The following ARHGEF12 variants were observed in gnomAD, a reference collection of about 807,000 sequenced individuals.
ARHGEF12 encodes KMT2A/ARHGEF12 fusion protein.
In ARHGEF12, 66 loss-of-function variants were observed where a neutral mutation model predicts 211.2. The ratio of observed to expected loss-of-function variants is 0.31; its 90% CI spans 0.26 to 0.38. The LOEUF is 0.38. ARHGEF12 is among the 10% of genes least tolerant of loss of function. The pLI is 1.00. For missense variants in ARHGEF12, 1,429 were observed against 1,869.5 expected (o/e 0.76, Z 4.34); for synonymous variants, 592 against 638.4 (o/e 0.93, Z 1.09).
intron 20 of ARHGEF12, 104 bp from the exon 21 acceptor site, chr11:120,449,005 A>G (rs1271237429): frequency 1.0e-6 from 1 of 961,032 alleles, no homozygotes; most frequent in African/African-American, 1.6e-5. Context: ...GTTTTCATTT[A>G]CACTTAACAA....
At chr11:120,397,083 A>T (rs1944413250) in intron 1 of ARHGEF12, among the ~76,000 whole-genome samples, 1 of 152,248 alleles carries the variant, frequency 6.6e-6, no homozygotes, top group Admixed American at 6.5e-5. Context: ...TTGGGCATTT[A>T]TTCAGTTTGT....
At chr11:120,389,835 A>G (rs1434734883) in intron 1 of ARHGEF12, among the ~76,000 whole-genome samples, 2 of 152,036 alleles carry the variant, frequency 1.3e-5, no homozygotes, top group Admixed American at 6.6e-5. Context: ...ATTTCCATCC[A>G]TCTTGTTGCA....
chr11:120,398,755 C>T (rs940239038), intron 1 of ARHGEF12, among the ~76,000 whole-genome samples: 5 of 151,980 alleles, frequency 3.3e-5, no homozygotes, highest in South Asian at 4.2e-4. Context: ...AAAGAATTTC[C>T]GCAGAAGAAA....
At chr11:120,457,329 C>A in intron 23 of ARHGEF12, 79 bp downstream of exon 23, 1 of 1,501,112 alleles carries the variant, frequency 6.7e-7, no homozygotes, top group Admixed American at 1.9e-5. Context: ...TACTTAGTAG[C>A]ATTCTAGCAC....
Position 120,486,081 on chromosome 11 carries a change from G to A in ARHGEF12, c.*1004G>A, listed in dbSNP as rs984134451. On this transcript the variant is annotated 3_prime_UTR_variant, in exon 41 of 41. Coordinates refer to ENST00000397843, the MANE Select transcript of ARHGEF12 (RefSeq NM_015313.3). ...TAGTGGCAGGGGTGGGGGTTGCTAAGGAAAGGGTGGGATGGGAGTGGGTAA... is the reference window on the plus strand; with the variant it reads ...TAGTGGCAGGGGTGGGGGTTGCTAAAGAAAGGGTGGGATGGGAGTGGGTAA... 2.6e-5 allele frequency: 6 copies of A among 233,486 alleles called. No homozygotes were observed. The highest frequency in any genetic ancestry group is 2.6e-3 in the Middle Eastern group (2 of 784). The allele number at this position is 233,486 out of a possible 1,614,324, so 14.5% of individuals were successfully genotyped here.
intron 1 of ARHGEF12, chr11:120,337,789 A>G (rs1942400248): frequency 1.0e-6 from 1 of 985,298 alleles, no homozygotes; most frequent in Non-Finnish European, 1.2e-6. Flanking sequence ...ATTATTATCT[A>G]ATAACTTTCC....
At chr11:120,451,082 T>TA (rs1681533061) in intron 21 of ARHGEF12, 2 of 158,702 alleles carry the variant, frequency 1.3e-5, no homozygotes, top group Non-Finnish European at 2.8e-5. Context: ...ACTATATATA[T>TA]TTTTTAGGGT....
intron 22 of ARHGEF12, among the ~76,000 whole-genome samples, chr11:120,452,391 A>G (rs577229501): frequency 2.0e-5 from 3 of 152,294 alleles, no homozygotes; most frequent in African/African-American, 7.2e-5. Flanking sequence ...GCTTATTACC[A>G]TGTCTTCATC....
intron 32 of ARHGEF12, 132 bp downstream of exon 32, chr11:120,474,767 A>G (rs1022418682): frequency 4.9e-6 from 3 of 615,110 alleles, no homozygotes; most frequent in East Asian, 2.8e-5. Flanking sequence ...TGTTATTTGT[A>G]CATTTGTAGA....
In ARHGEF12 at chr11:120,451,618, G is replaced by A. The variant is rs762012126; in HGVS notation, c.1950G>A (p.Gly650=). ...PQDSAKLRQS[G]LANEGTDAGY... ...ACTCTGCCAAGTTGCGCCAGAGTGG[G>A]TTAGCAAATGAAGGAACAGACGCTG... Residue 650 remains glycine, a synonymous_variant, in exon 22 of 41, where the codon GGG becomes GGA. Coordinates refer to ENST00000397843, the MANE Select transcript of ARHGEF12 (RefSeq NM_015313.3). 1.2e-6 allele frequency: 2 copies of A among 1,614,142 alleles called. No homozygotes were observed. Among genetic ancestry groups the A allele is most frequent in the Non-Finnish European group, 1.7e-6 (2 of 1,180,016 alleles).
chr11:120,373,035 A>G (rs539283996), intron 1 of ARHGEF12, among the ~76,000 whole-genome samples: 1 of 152,256 alleles, frequency 6.6e-6, no homozygotes, highest in Non-Finnish European at 1.5e-5. Context: ...TTTTTCTTAG[A>G]AGTAATTTTT....
In ARHGEF12 at chr11:120,337,353, C is replaced by A. The variant is rs1163272907; in HGVS notation, c.32+78C>A. 8.7e-6 allele frequency: 14 copies of A among 1,604,690 alleles called. 1 individual carries two copies. Among genetic ancestry groups the A allele is most frequent in the South Asian group, 1.1e-5 (1 of 89,892 alleles). On this transcript the variant is annotated intron_variant, in intron 1 of 40. Transcript: ENST00000397843. ...CAGGGGAGTCGGTGATTGCAGATTG[C>A]CTTTGGCCAGCGAAGTTGACAGGCA...
intron 4 of ARHGEF12, among the ~76,000 whole-genome samples, chr11:120,418,513 T>A (rs1434663300): frequency 3.3e-5 from 5 of 152,254 alleles, no homozygotes; most frequent in Non-Finnish European, 5.9e-5. Context: ...GCTGTGAACA[T>A]TTGTGTATGT....
intron 12 of ARHGEF12, among the ~76,000 whole-genome samples, chr11:120,437,973 G>A (rs185707307): frequency 2.5e-4 from 38 of 152,260 alleles, no homozygotes; most frequent in African/African-American, 3.6e-4. Flanking sequence ...TTATCTGTCC[G>A]TTTGTCAGTG....
In ARHGEF12 at chr11:120,488,081, T is replaced by C. The variant is rs945681784; in HGVS notation, c.*3004T>C. ...TTAAAAAGTTGTTGTTGTTGTTGTT[T>C]ATTTGATTTTGAGTTAGGAGGGATA... On this transcript the variant is annotated 3_prime_UTR_variant, in exon 41 of 41. Transcript: ENST00000397843. The C allele has an allele frequency of 7.8e-5, 17 of 218,386 alleles. No homozygotes were observed. The highest frequency in any genetic ancestry group is 3.8e-4 in the African/African-American group (17 of 44,546). The allele number at this position is 218,386 out of a possible 1,614,324, so 13.5% of individuals were successfully genotyped here. A position where few individuals can be genotyped will look rare whatever the true frequency, so the allele number is the denominator to read the frequency against.
At chr11:120,437,950 C>T (rs1052731225) in intron 12 of ARHGEF12, among the ~76,000 whole-genome samples, 6 of 152,198 alleles carry the variant, frequency 3.9e-5, no homozygotes, top group African/African-American at 1.4e-4. Flanking sequence ...CATGTATATA[C>T]ACCACATTTT....
intron 3 of ARHGEF12, 58 bp from the exon 4 acceptor site, chr11:120,409,336 C>T (rs1440507743): frequency 2.6e-6 from 4 of 1,554,900 alleles, no homozygotes; most frequent in East Asian, 2.2e-5. Flanking sequence ...TGAATTTTTC[C>T]CCTTACATTG....
At chr11:120,469,023 A>C (rs1335092766) in intron 29 of ARHGEF12, among the ~76,000 whole-genome samples, 1 of 152,148 alleles carries the variant, frequency 6.6e-6, no homozygotes, top group Non-Finnish European at 1.5e-5. Flanking sequence ...CTTCACGTAA[A>C]GCATCTCTTC....
chr11:120,463,525 C>CAAAAAAAAAAAAAAAAAAAAAACAA, intron 27 of ARHGEF12: 1 of 81,678 alleles, frequency 1.2e-5, no homozygotes, highest in Non-Finnish European at 2.5e-5. Flanking sequence ...AACTCAGTCT[C>CAAAAAAAAAAAAAAAAAAAAAACAA]AAAAAAAAAA....
Sources: allele counts gnomAD v4.1 joint callset (sites outside exome capture counted in the v4.1 genomes callset), GRCh38; gene constraint gnomAD v4.1.1; transcripts MANE v1.5; gene names NCBI Gene and HGNC (gene_info 2026-07-23, HGNC 2026-07-21).